Variants in DNAH7 observed in about 807,000 individuals in gnomAD.
DNAH7 encodes the protein axonemal beta dynein heavy chain 7.
In DNAH7, 397 loss-of-function variants were observed where a neutral mutation model predicts 444.6. That is an observed-to-expected ratio of 0.89 (90% confidence interval 0.82 to 0.97). The LOEUF is 0.97. DNAH7 is among the 50% of genes least tolerant of loss of function. DNAH7 has a pLI of 0.00. For missense variants in DNAH7, 4,902 were observed against 4,800.8 expected (o/e 1.02, Z -0.62); for synonymous variants, 1,636 against 1,624.4 (o/e 1.01, Z -0.17).
At chr2:195,786,446 A>G (rs1196010643) in intron 58 of DNAH7, among the ~76,000 whole-genome samples, 1 of 152,138 alleles carries the variant, frequency 6.6e-6, no homozygotes. Context: ...GGGTACCGCC[A>G]TGCTGCATGT....
At position 195,900,357 on chromosome 2, in the gene DNAH7, C is replaced by T. The variant is rs374267729; in HGVS notation, c.4473G>A (p.Gln1491=). 1.2e-4 allele frequency: 187 copies of T among 1,613,918 alleles called. 1 individual carries two copies. Among genetic ancestry groups the T allele is most frequent in the Non-Finnish European group, 1.1e-4 (133 of 1,179,962 alleles). The change falls in exon 28 of 65, where the codon CAG becomes CAA. Residue 1491 remains glutamine, a synonymous_variant. Coordinates refer to ENST00000312428, the MANE Select transcript of DNAH7 (RefSeq NM_018897.3). ...IVATYRLCSE[Q]LSSQHHYDYG... is the part of the protein sequence containing the mutation. The stretch of plus-strand genomic sequence containing the variant: ...AGTCGTAGTGATGTTGAGATGACAG[C>T]TGCTCTGAACACAAGCGATACGTAG...
At chr2:196,049,950 A>T (rs1697364194) in intron 3 of DNAH7, among the ~76,000 whole-genome samples, 1 of 152,222 alleles carries the variant, frequency 6.6e-6, no homozygotes, top group Admixed American at 6.5e-5. Context: ...TAGAGAAAAC[A>T]TGCTATGGCT....
In DNAH7 at chr2:195,786,990, T is replaced by G; in HGVS notation, c.10878+20A>C. On this transcript the variant is annotated intron_variant, in intron 58 of 64. Transcript: ENST00000312428. ...TAAAGAGCAACATAGGTAATGTCCT[T>G]GCTGTGATTTTTATGATACCTCATA... 2 of 1,550,384 alleles carry G rather than the reference T, an allele frequency of 1.3e-6. No homozygotes were observed. Among genetic ancestry groups the G allele is most frequent in the Non-Finnish European group, 1.7e-6 (2 of 1,152,786 alleles).
chr2:195,988,144 A>G lies in DNAH7; in HGVS notation c.1439T>C (p.Ile480Thr). The G allele has an allele frequency of 6.2e-7, 1 of 1,613,664 alleles. No homozygotes were observed. The highest frequency in any genetic ancestry group is 2.2e-5 in the East Asian group (1 of 44,842). Reference sequence around the variant, plus strand: ...AGTAGGTGCCACACTCTCTTTCATAATAACTTCCTTGATCTTTTCTTTGTG... The same window carrying G: ...AGTAGGTGCCACACTCTCTTTCATAGTAACTTCCTTGATCTTTTCTTTGTG... Reference protein sequence around the residue: ...DAHKEKIKEVIMKESVAPTEH... With the variant: ...DAHKEKIKEVTMKESVAPTEH... Residue 480 changes from isoleucine to threonine, a missense_variant, in exon 13 of 65, where the codon ATT becomes ACT. Transcript: ENST00000312428.
At chr2:195,832,429 G>T (rs1178564517) in intron 48 of DNAH7, among the ~76,000 whole-genome samples, 2 of 150,852 alleles carry the variant, frequency 1.3e-5, no homozygotes, top group Non-Finnish European at 3.0e-5. Flanking sequence ...TCTGTTTTTG[G>T]TTTTTTCTTT....
chr2:195,858,956 C>T, intron 42 of DNAH7, 152 bp from the exon 43 acceptor site: 1 of 657,030 alleles, frequency 1.5e-6, no homozygotes, highest in South Asian at 2.2e-5. Context: ...TCTGTCAAAA[C>T]ATGAAACCTA....
chr2:196,000,333 AG>A (rs1032612237), intron 12 of DNAH7, among the ~76,000 whole-genome samples: 62 of 152,254 alleles, frequency 4.1e-4, no homozygotes, highest in African/African-American at 1.5e-3. Flanking sequence ...AAGGTATATG[AG>A]GGGAGTAATA....
At chr2:196,025,231 G>A (rs58198791) in intron 7 of DNAH7, among the ~76,000 whole-genome samples, 4,609 of 152,196 alleles carry the variant, frequency 0.03, 224 homozygotes, top group African/African-American at 0.1. Context: ...TCTCTTTTAA[G>A]TTGCATAAGA....
chr2:195,980,007 C>T (rs929914747), intron 15 of DNAH7, among the ~76,000 whole-genome samples: 3 of 147,980 alleles, frequency 2.0e-5, no homozygotes, highest in South Asian at 4.3e-4. Context: ...GAAAAGCCCA[C>T]GACCTGATGG....
chr2:195,873,559 ATTAC>A lies in DNAH7; in HGVS notation c.6413+5_6413+8del, dbSNP rs1700844511. ...CTAATTAAAAAAAAAACAAATTTTGATTACTTACCAGATTTCTAAATGCCAAGTT... is the reference window on the plus strand; with the variant it reads ...CTAATTAAAAAAAAAACAAATTTTGATTACCAGATTTCTAAATGCCAAGTT... On this transcript the variant is annotated splice_donor_5th_base_variant and intron_variant, in intron 39 of 64. Coordinates refer to ENST00000312428, the MANE Select transcript of DNAH7 (RefSeq NM_018897.3). 2.3e-6 allele frequency: 3 copies of A among 1,312,470 alleles called. No homozygotes were observed. Among genetic ancestry groups the A allele is most frequent in the Non-Finnish European group, 3.0e-6 (3 of 996,194 alleles). 81.3% of individuals were successfully genotyped at this position (1,312,470 alleles called of 1,614,324 possible).
At chr2:195,969,082 C>T (rs888938756) in intron 17 of DNAH7, among the ~76,000 whole-genome samples, 1 of 152,182 alleles carries the variant, frequency 6.6e-6, no homozygotes, top group Non-Finnish European at 1.5e-5. Flanking sequence ...AAGTTAAAAC[C>T]AGGTAACGTG....
chr2:195,784,848 A>G (rs1298212070), intron 58 of DNAH7, among the ~76,000 whole-genome samples: 1 of 151,636 alleles, frequency 6.6e-6, no homozygotes, highest in African/African-American at 2.4e-5. Context: ...AATGTGGACC[A>G]TCTTTTATAT....
chr2:196,039,207 C>G (rs1017994168), intron 5 of DNAH7, among the ~76,000 whole-genome samples: 3 of 152,012 alleles, frequency 2.0e-5, no homozygotes, highest in Non-Finnish European at 4.4e-5. Flanking sequence ...ATAGCAAGAG[C>G]AACTTTGAAA....
rs781200510 is a variant in DNAH7 at position 195,936,753 on chromosome 2, G to A, written c.3118C>T (p.Leu1040=). Residue 1040 remains leucine (L), a synonymous_variant, in exon 20 of 65, where the codon CTG becomes TTG. Coordinates refer to ENST00000312428, the MANE Select transcript of DNAH7 (RefSeq NM_018897.3). ...VLTVVTIDRM[L]ERLKKSNELL... ...TCATTAGATTTTTTCAGCCTTTCCAGCATTCTGTCAATGGTTACAACTGTC... is the reference window on the plus strand; with the variant it reads ...TCATTAGATTTTTTCAGCCTTTCCAACATTCTGTCAATGGTTACAACTGTC... 6.9e-6 allele frequency: 11 copies of A among 1,590,448 alleles called. No homozygotes were observed. Among genetic ancestry groups the A allele is most frequent in the Non-Finnish European group, 9.4e-6 (11 of 1,170,680 alleles).
intron 35 of DNAH7, among the ~76,000 whole-genome samples, chr2:195,883,503 G>A (rs1701541977): frequency 6.7e-6 from 1 of 149,522 alleles, no homozygotes; most frequent in African/African-American, 2.5e-5. Flanking sequence ...CTGTTATTTA[G>A]AGGTTGTGTG....
At chr2:195,934,854 C>G (rs1431163266) in intron 20 of DNAH7, 65 bp from the exon 21 acceptor site, 1 of 1,549,668 alleles carries the variant, frequency 6.5e-7, no homozygotes, top group Non-Finnish European at 8.8e-7. Flanking sequence ...CTCCAGAGTT[C>G]TTCGTTTAAA....
At chr2:195,768,541 C>A (rs1222703859) in intron 61 of DNAH7, among the ~76,000 whole-genome samples, 1 of 151,864 alleles carries the variant, frequency 6.6e-6, no homozygotes, top group Non-Finnish European at 1.5e-5. Flanking sequence ...CATACGTGTG[C>A]ATGTATCTAT....
rs1553575648 is a variant in DNAH7 at position 195,950,868 on chromosome 2, A to AAAAAAAAAAAAAAAAAAC, written c.3078+6392_3078+6393insGTTTTTTTTTTTTTTTTT. 1.4e-5 allele frequency among the ~76,000 whole-genome samples: 2 copies of AAAAAAAAAAAAAAAAAAC among 138,234 alleles called. 1 individual carries two copies. Among genetic ancestry groups the AAAAAAAAAAAAAAAAAAC allele is most frequent in the African/African-American group, 5.7e-5 (2 of 34,864 alleles). The allele number at this position is 138,234 out of a possible 152,430, so 90.7% of individuals were successfully genotyped here. On this transcript the variant is annotated intron_variant, in intron 19 of 64. Transcript: ENST00000312428. ...CTCTGTCTCAAAAAAAAAAAAAAAA[A>AAAAAAAAAAAAAAAAAAC]AAAAAAAAAAACCCAGCTCCTGGAT...
Position 195,809,791 on chromosome 2 carries a change from A to G in DNAH7, c.9842T>C (p.Leu3281Pro). 1 of 1,600,310 alleles carries G rather than the reference A, an allele frequency of 6.2e-7. No individual in the cohort carries two copies. Among genetic ancestry groups the G allele is most frequent in the Non-Finnish European group, 8.5e-7 (1 of 1,172,486 alleles). Residue 3281 changes from leucine (L) to proline (P), a missense_variant, in exon 52 of 65, where the codon CTC (leucine) becomes CCC (proline). Leu to Pro is a moderately conservative substitution (Grantham distance 98). Coordinates refer to ENST00000312428, the MANE Select transcript of DNAH7 (RefSeq NM_018897.3). ...ATTTATGGTTAGACAAAAGGAAAAG[A>G]GCAGCTTATCCTTTTCAAAGAGTGA... ...CRSLFEKDKL[L>P]FSFCLTINLL...
Sources: allele counts gnomAD v4.1 joint callset (sites outside exome capture counted in the v4.1 genomes callset), GRCh38; gene constraint gnomAD v4.1.1; transcripts MANE v1.5; gene names NCBI Gene and HGNC (gene_info 2026-07-23, HGNC 2026-07-21).